Variants in DLGAP2 observed in about 807,000 individuals in gnomAD.
The protein encoded by DLGAP2 is DLG associated protein 2.
A neutral mutation model predicts 100.3 loss-of-function variants in DLGAP2; 26 were observed. The ratio of observed to expected loss-of-function variants is 0.26; its 90% CI spans 0.19 to 0.36. The LOEUF (loss-of-function observed/expected upper bound fraction) is 0.36. DLGAP2 is among the 10% of genes least tolerant of loss of function. The probability of loss-of-function intolerance (pLI) is 1.00; values close to 1 mark genes in which losing one functional copy is unlikely to be tolerated. For synonymous variants in DLGAP2, 886 were observed against 630.1 expected (o/e 1.41, Z -6.08); for missense variants, 1,858 against 1,453.2 (o/e 1.28, Z -4.53).
At chr8:1,290,812 A>G (rs540338402) in intron 3 of DLGAP2, among the ~76,000 whole-genome samples, 9 of 152,346 alleles carry the variant, frequency 5.9e-5, no homozygotes, top group South Asian at 2.1e-4. Context: ...AACATAAACA[A>G]TACTGTGTAA....
At chr8:838,196 C>G (rs935250787) in intron 1 of DLGAP2, among the ~76,000 whole-genome samples, 2 of 152,052 alleles carry the variant, frequency 1.3e-5, no homozygotes, top group African/African-American at 2.4e-5. Context: ...TACTTCTTGT[C>G]TTTCCCCTCC....
At chr8:1,333,077 T>A (rs1801194892) in intron 3 of DLGAP2, among the ~76,000 whole-genome samples, 1 of 151,908 alleles carries the variant, frequency 6.6e-6, no homozygotes, top group Admixed American at 6.6e-5. Flanking sequence ...CTGGAGGAGG[T>A]CAGGCTCTTC....
At chr8:1,243,725 T>C (rs989535520) in intron 2 of DLGAP2, among the ~76,000 whole-genome samples, 1 of 152,122 alleles carries the variant, frequency 6.6e-6, no homozygotes, top group Non-Finnish European at 1.5e-5. Context: ...CTGATCCTCC[T>C]CAAGTCCCAA....
chr8:1,207,740 T>C (rs1161392105), intron 2 of DLGAP2, among the ~76,000 whole-genome samples: 1 of 152,208 alleles, frequency 6.6e-6, no homozygotes, highest in Non-Finnish European at 1.5e-5. Context: ...TTTTTTTATT[T>C]TTTAATTATG....
At chr8:1,543,841 G>A (rs959401978) in intron 4 of DLGAP2, among the ~76,000 whole-genome samples, 1 of 152,054 alleles carries the variant, frequency 6.6e-6, no homozygotes, top group Admixed American at 6.6e-5. Flanking sequence ...CGTAAGTCTT[G>A]CTTAATTTCT....
In DLGAP2 at chr8:1,317,232, G is replaced by A. The variant is rs1433057490; in HGVS notation, c.106+58349G>A. Among the ~76,000 whole-genome samples, 54 of 97,002 alleles carry A rather than the reference G, an allele frequency of 5.6e-4. 2 individuals are homozygous for A. Among genetic ancestry groups the A allele is most frequent in the African/African-American group, 1.0e-3 (25 of 24,328 alleles). The allele number at this position is 97,002 out of a possible 152,430, so 63.6% of individuals were successfully genotyped here. A position where few individuals can be genotyped will look rare whatever the true frequency, so the allele number is the denominator to read the frequency against. On this transcript the variant is annotated intron_variant, in intron 3 of 14. Coordinates refer to ENST00000637795, the MANE Select transcript of DLGAP2 (RefSeq NM_001346810.2). ...GTCTACACTCGAGACACTCGGCAGC[G>A]TTTAAAAATAGAGCGTGTGCGAGTG...
At chr8:900,012 A>G (rs1363000208) in intron 1 of DLGAP2, among the ~76,000 whole-genome samples, 2 of 152,256 alleles carry the variant, frequency 1.3e-5, no homozygotes, top group African/African-American at 4.8e-5. Context: ...AGAAAGCAGA[A>G]TATGTCTTTA....
At chr8:1,462,641 G>A (rs1214711386) in intron 3 of DLGAP2, among the ~76,000 whole-genome samples, 2 of 152,154 alleles carry the variant, frequency 1.3e-5, no homozygotes. Context: ...TCCCGCACTC[G>A]GTCATCCTGC....
rs185569660 is a variant in DLGAP2, at chr8:1,251,092, C to T, written c.74-7759C>T. 8.5e-4 allele frequency among the ~76,000 whole-genome samples: 130 copies of T among 152,278 alleles called. 1 individual carries two copies. The highest frequency in any genetic ancestry group is 1.2e-3 in the African/African-American group (49 of 41,560). ...CAAATTAGAAATTAACCCATGTTCA[C>T]GAGAACGTTACTTTGTATTCTTGTC... On this transcript the variant is annotated intron_variant, in intron 2 of 14. Transcript: ENST00000637795.
chr8:791,291 T>G (rs540956955), intron 1 of DLGAP2, among the ~76,000 whole-genome samples: 2 of 152,238 alleles, frequency 1.3e-5, no homozygotes, highest in Non-Finnish European at 2.9e-5. Flanking sequence ...CTGGGAATTG[T>G]GTCACTGCCA....
Position 1,549,499 on chromosome 8 carries a change from T to C in DLGAP2, c.1046T>C (p.Val349Ala). The stretch of plus-strand genomic sequence containing the variant: ...AAGACCTCCAAGAGCAACAACGACG[T>C]CAAGTGCTCGGCCTGTGAGGGGTTG... Reference protein sequence around the residue: ...SLKTSKSNNDVKCSACEGLAL... With the variant: ...SLKTSKSNNDAKCSACEGLAL... The change falls in exon 5 of 15, where the codon GTC becomes GCC. Residue 349 changes from valine to alanine, a missense_variant. Transcript: ENST00000637795. The C allele has an allele frequency of 6.2e-7, 1 of 1,613,446 alleles. No homozygotes were observed.
In DLGAP2 at chr8:1,462,567, G is replaced by A. The variant is rs1798490424; in HGVS notation, c.107-38799G>A. ...GAGGGAGAAGGGCGGTGTTCAGGTT[G>A]GGAGAAGGTGCTGCTGTCACGGGAC... is the stretch of plus-strand genomic sequence containing the variant. On this transcript the variant is annotated intron_variant, in intron 3 of 14. Transcript: ENST00000637795. 2.6e-5 allele frequency among the ~76,000 whole-genome samples: 4 copies of A among 152,078 alleles called. No individual in the cohort carries two copies. The South Asian group carries it at 8.3e-4, about 32-fold the overall frequency.
intron 5 of DLGAP2, among the ~76,000 whole-genome samples, chr8:1,557,982 G>A (rs879936503): frequency 6.6e-6 from 1 of 152,218 alleles, no homozygotes; most frequent in Non-Finnish European, 1.5e-5. Flanking sequence ...CCAAGGAGGG[G>A]TGTGGGGAAG....
chr8:1,464,918 G>C (rs1349115591), intron 3 of DLGAP2, among the ~76,000 whole-genome samples: 4 of 152,098 alleles, frequency 2.6e-5, no homozygotes, highest in African/African-American at 7.2e-5. Context: ...TCTGAGTAGA[G>C]AAAAAGCACA....
intron 6 of DLGAP2, among the ~76,000 whole-genome samples, chr8:1,575,898 T>TG (rs972182022): frequency 2.0e-5 from 3 of 152,098 alleles, no homozygotes; most frequent in African/African-American, 7.2e-5. Context: ...TCCAAGTCTT[T>TG]GCTATTGTGA....
chr8:1,495,061 C>T (rs1275230393), intron 3 of DLGAP2, among the ~76,000 whole-genome samples: 1 of 152,208 alleles, frequency 6.6e-6, no homozygotes, highest in Non-Finnish European at 1.5e-5. Flanking sequence ...TGAGGCATTG[C>T]CAGGACCGAC....
chr8:1,000,574 G>C (rs1197278663), intron 2 of DLGAP2, among the ~76,000 whole-genome samples: 7 of 152,174 alleles, frequency 4.6e-5, no homozygotes, highest in Admixed American at 6.5e-5. Context: ...CTGGTGTCTA[G>C]ATTTGGTTTT....
intron 2 of DLGAP2, among the ~76,000 whole-genome samples, chr8:1,189,731 T>C (rs1304139539): frequency 6.6e-6 from 1 of 152,062 alleles, no homozygotes; most frequent in Non-Finnish European, 1.5e-5. Context: ...GCTCGAGTTA[T>C]CCAATAGGCA....
intron 2 of DLGAP2, among the ~76,000 whole-genome samples, chr8:1,118,346 T>G (rs1348417674): frequency 6.6e-6 from 1 of 152,198 alleles, no homozygotes; most frequent in Non-Finnish European, 1.5e-5. Context: ...CTTTCGAAAC[T>G]GCATTACATT....
Sources: allele counts gnomAD v4.1 joint callset (sites outside exome capture counted in the v4.1 genomes callset), GRCh38; gene constraint gnomAD v4.1.1; transcripts MANE v1.5; gene names NCBI Gene and HGNC (gene_info 2026-07-23, HGNC 2026-07-21).